Variants in TRMT13 observed in about 807,000 individuals in gnomAD.
The protein encoded by TRMT13 is tRNA methyltransferase 13, also known as tRNA:m(4)X modification enzyme TRM13 homolog.
A neutral mutation model predicts 55.9 loss-of-function variants in TRMT13; 45 were observed. That is an observed-to-expected ratio of 0.80 (90% CI 0.63 to 1.03). TRMT13 has a LOEUF of 1.03. Ranked by LOEUF, TRMT13 falls within the 50% of genes least tolerant of loss-of-function variation. The pLI, the probability that TRMT13 is intolerant of heterozygous loss-of-function variation, is 0.00. For synonymous variants in TRMT13, 183 were observed against 196.3 expected, an observed-to-expected ratio of 0.93 and a Z score of 0.57; for missense variants, 513 against 563.9, an observed-to-expected ratio of 0.91 and a Z score of 0.91.
intron 3 of TRMT13, among the ~76,000 whole-genome samples, chr1:100,138,079 T>A (rs1656114042): frequency 6.6e-6 from 1 of 152,148 alleles, no homozygotes; most frequent in Non-Finnish European, 1.5e-5. Context: ...TTTCACTGCA[T>A]ACCAACACAC....
chr1:100,146,470 T>C (rs1657260756), intron 9 of TRMT13, among the ~76,000 whole-genome samples: 1 of 152,200 alleles, frequency 6.6e-6, no homozygotes, highest in South Asian at 2.1e-4. Flanking sequence ...TTGAGATAAA[T>C]TGCTAAAGCT....
At position 100,149,194 on chromosome 1, in the gene TRMT13, ATTTC is replaced by A; in HGVS notation, c.*377_*380del. 1 of 1,500,322 alleles carries A rather than the reference ATTTC, an allele frequency of 6.7e-7. No homozygotes were observed. Among genetic ancestry groups the A allele is most frequent in the Non-Finnish European group, 8.9e-7 (1 of 1,129,688 alleles). 92.9% of individuals were successfully genotyped at this position (1,500,322 alleles called of 1,614,324 possible). On this transcript the variant is annotated 3_prime_UTR_variant, in exon 11 of 11. Transcript: ENST00000370141. ...CCTTTGATTTTATTTAATATTTTTT[ATTTC>A]TTAAGTTCAAGAGGTAGTGATTGAT...
intron 3 of TRMT13, 53 bp downstream of exon 3, chr1:100,137,138 G>T: frequency 7.2e-7 from 1 of 1,392,718 alleles, no homozygotes. Flanking sequence ...GTAATGCCTT[G>T]GTAGATGCTG....
At position 100,138,204 on chromosome 1, in the gene TRMT13, T is replaced by C. The variant is rs147433920; in HGVS notation, c.261+1119T>C. 8.3e-3 allele frequency among the ~76,000 whole-genome samples: 1,270 copies of C among 152,326 alleles called. 11 individuals carry two copies. Among genetic ancestry groups the C allele is most frequent in the Non-Finnish European group, 0.013 (901 of 68,030 alleles). ...GACACTTGGAACCCAGGTAAAGGCA[T>C]ATCACTATTCTGCTTTACTTTGGGA... On this transcript the variant is annotated intron_variant, in intron 3 of 10. Coordinates refer to ENST00000370141, the MANE Select transcript of TRMT13 (RefSeq NM_019083.3).
At chr1:100,142,183 T>C (rs548336273) in intron 7 of TRMT13, among the ~76,000 whole-genome samples, 2 of 152,304 alleles carry the variant, frequency 1.3e-5, no homozygotes, top group East Asian at 1.9e-4. Flanking sequence ...AGCATGAAGA[T>C]AGAGCACCAA....
intron 9 of TRMT13, among the ~76,000 whole-genome samples, chr1:100,145,842 G>A (rs1307500669): frequency 6.6e-6 from 1 of 152,220 alleles, no homozygotes; most frequent in East Asian, 1.9e-4. Flanking sequence ...CTGCACTGCA[G>A]CCTGGGTGAC....
rs1176468119 is a variant in TRMT13, at chr1:100,136,865, A to G, written c.148-17A>G. 2 of 1,567,616 alleles carry G rather than the reference A, an allele frequency of 1.3e-6. No homozygotes were observed. Among genetic ancestry groups the G allele is most frequent in the Non-Finnish European group, 1.7e-6 (2 of 1,156,646 alleles). ...CTTGATATTTTATTTAAATAAATGT[A>G]TCTCTTAATTTATTAGGAAGAAGAT... On this transcript the variant is annotated splice_polypyrimidine_tract_variant and intron_variant, in intron 1 of 10. Transcript: ENST00000370141.
chr1:100,133,223 T>C lies in TRMT13; in HGVS notation c.55T>C (p.Cys19Arg), dbSNP rs1166240773. 2 of 1,614,118 alleles carry C rather than the reference T, an allele frequency of 1.2e-6. No homozygotes were observed. The highest frequency in any genetic ancestry group is 1.7e-5 in the Admixed American group (1 of 60,020). Reference protein sequence around the residue: ...HAPGFPAEGRCGYYVEKKKRF... With the variant: ...HAPGFPAEGRRGYYVEKKKRF... ...GCCTGGTTTTCCAGCTGAGGGTAGATGCGGTTACTATGTGGAAAAGAAGAA... is the reference window on the plus strand; with the variant it reads ...GCCTGGTTTTCCAGCTGAGGGTAGACGCGGTTACTATGTGGAAAAGAAGAA... The change falls in exon 1 of 11, where the codon TGC (cysteine) becomes CGC (arginine). Residue 19 changes from cysteine to arginine, a missense_variant. By Grantham distance (180) the Cys-to-Arg change is radical. Transcript: ENST00000370141.
chr1:100,139,172 G>T (rs772070000), intron 3 of TRMT13, among the ~76,000 whole-genome samples: 77 of 152,176 alleles, frequency 5.1e-4, no homozygotes, highest in Non-Finnish European at 7.9e-4. Context: ...TAAAATAGAA[G>T]AAATCAGACT....
At chr1:100,138,858 A>G (rs1656246805) in intron 3 of TRMT13, among the ~76,000 whole-genome samples, 1 of 152,244 alleles carries the variant, frequency 6.6e-6, no homozygotes, top group African/African-American at 2.4e-5. Context: ...GATGTAGAAC[A>G]TTTCCATCAT....
intron 3 of TRMT13, 48 bp downstream of exon 3, chr1:100,137,133 G>T: frequency 6.9e-7 from 1 of 1,449,644 alleles, no homozygotes; most frequent in Non-Finnish European, 9.6e-7. Flanking sequence ...GGTATGTAAT[G>T]CCTTGGTAGA....
chr1:100,149,112 A>G lies in TRMT13; in HGVS notation c.*292A>G, dbSNP rs756192013. Reference sequence around the variant, plus strand: ...GACTTGGTGATCTGAAACATACATAACATGTCAACACATAATTAGCGTATT... The same window carrying G: ...GACTTGGTGATCTGAAACATACATAGCATGTCAACACATAATTAGCGTATT... On this transcript the variant is annotated 3_prime_UTR_variant, in exon 11 of 11. Transcript: ENST00000370141. 8 of 1,589,564 alleles carry G rather than the reference A, an allele frequency of 5.0e-6. No homozygotes were observed. In the African/African-American group the frequency reaches 9.5e-5, roughly 19 times the overall value.
chr1:100,144,689 C>G (rs1220369416), intron 9 of TRMT13: 2 of 152,148 alleles, frequency 1.3e-5, no homozygotes, highest in African/African-American at 2.4e-5. Context: ...GTTGTGTAAC[C>G]TTGTCAAATT....
Position 100,149,214 on chromosome 1 carries a change from A to G in TRMT13, c.*394A>G. On this transcript the variant is annotated 3_prime_UTR_variant, in exon 11 of 11. Coordinates refer to ENST00000370141, the MANE Select transcript of TRMT13 (RefSeq NM_019083.3). ...TTTTTATTTCTTAAGTTCAAGAGGT[A>G]GTGATTGATTGTAACAAGGGCCAAT... The G allele has an allele frequency of 6.7e-7, 1 of 1,493,076 alleles. No homozygotes were observed. The highest frequency in any genetic ancestry group is 8.9e-7 in the Non-Finnish European group (1 of 1,126,426). 92.5% of individuals were successfully genotyped at this position (1,493,076 alleles called of 1,614,324 possible).
intron 1 of TRMT13, among the ~76,000 whole-genome samples, chr1:100,135,795 T>C (rs892678981): frequency 6.6e-6 from 1 of 152,192 alleles, no homozygotes; most frequent in African/African-American, 2.4e-5. Flanking sequence ...TTTCCTTTCT[T>C]TTTTCCCAGT....
chr1:100,148,543 CTCAAT>C, intron 10 of TRMT13, 77 bp from the exon 11 acceptor site: 5 of 1,323,296 alleles, frequency 3.8e-6, no homozygotes, highest in Non-Finnish European at 5.3e-6. Context: ...TTAACAGTCT[CTCAAT>C]AAATAGTGAC....
At chr1:100,145,793 C>G (rs990902829) in intron 9 of TRMT13, among the ~76,000 whole-genome samples, 2 of 152,154 alleles carry the variant, frequency 1.3e-5, no homozygotes, top group African/African-American at 4.8e-5. Flanking sequence ...ATCACTTGAG[C>G]CTAAGAGTCT....
In TRMT13 at chr1:100,147,906, G is replaced by A. The variant is rs772813887; in HGVS notation, c.830G>A (p.Arg277Gln). 3 of 1,599,478 alleles carry A rather than the reference G, an allele frequency of 1.9e-6. No individual in the cohort carries two copies. The highest frequency in any genetic ancestry group is 2.2e-5 in the East Asian group (1 of 44,782). Residue 277 changes from arginine (R) to glutamine (Q), a missense_variant, in exon 10 of 11, where the codon CGA (arginine) becomes CAA (glutamine). Physicochemically the swap from Arg to Gln is conservative, Grantham distance 43. Coordinates refer to ENST00000370141, the MANE Select transcript of TRMT13 (RefSeq NM_019083.3). ...LCGMATDLAL[R>Q]CLVETYAASF... is the part of the protein sequence containing the mutation. ...ATTGTGTTTGCAGATCTTGCATTAC[G>A]ATGTTTGGTTGAAACCTATGCTGCC...
chr1:100,135,510 T>G (rs1013682520), intron 1 of TRMT13, among the ~76,000 whole-genome samples: 5 of 152,208 alleles, frequency 3.3e-5, no homozygotes, highest in Non-Finnish European at 7.4e-5. Flanking sequence ...TAGTCACCAC[T>G]TACTCTATGT....
Sources: allele counts gnomAD v4.1 joint callset (sites outside exome capture counted in the v4.1 genomes callset), GRCh38; gene constraint gnomAD v4.1.1; transcripts MANE v1.5; gene names NCBI Gene and HGNC (gene_info 2026-07-23, HGNC 2026-07-21).